FRMPD4: variants seen among roughly 807,000 people sequenced by gnomAD.
FRMPD4 encodes FERM and PDZ domain-containing protein 4.
FRMPD4 carries 22 observed loss-of-function variants against 94.1 expected under a neutral mutation model. The observed-to-expected ratio is 0.23, with a 90% confidence interval of 0.17 to 0.33. The LOEUF (loss-of-function observed/expected upper bound fraction) is 0.33. Ranked by LOEUF, FRMPD4 falls within the 10% of genes least tolerant of loss-of-function variation. FRMPD4 has a pLI of 1.00. For synonymous variants in FRMPD4, 631 were observed against 548.6 expected, an observed-to-expected ratio of 1.15 and a Z score of -2.10; for missense variants, 1,111 against 1,339.9, an observed-to-expected ratio of 0.83 and a Z score of 2.67.
At chrX:12,585,208 C>T (rs904069004) in intron 2 of FRMPD4, among the ~76,000 whole-genome samples, 5 of 91,907 alleles carry the variant, frequency 5.4e-5, no homozygotes, top group African/African-American at 1.2e-4. Flanking sequence ...GTCAGCACCG[C>T]GCCTAGCCAA....
At chrX:12,470,719 T>C (rs1421214835) in intron 1 of FRMPD4, among the ~76,000 whole-genome samples, 2 of 111,857 alleles carry the variant, frequency 1.8e-5, no homozygotes, top group Non-Finnish European at 3.8e-5. Context: ...GGACAATATA[T>C]TTATATTTTC....
chrX:12,463,455 A>C (rs2057412034), intron 1 of FRMPD4, among the ~76,000 whole-genome samples: 1 of 111,795 alleles, frequency 8.9e-6, no homozygotes, highest in Non-Finnish European at 1.9e-5. Context: ...TTCTAAAATA[A>C]ATGATTATGG....
At chrX:12,560,315 T>C (rs1321296148) in intron 2 of FRMPD4, among the ~76,000 whole-genome samples, 1 of 109,577 alleles carries the variant, frequency 9.1e-6, no homozygotes, top group Non-Finnish European at 1.9e-5. Flanking sequence ...CCAGGATTGA[T>C]GGAGGGGAAA....
At chrX:12,471,797 C>T (rs1239717458) in intron 1 of FRMPD4, among the ~76,000 whole-genome samples, 1 of 112,161 alleles carries the variant, frequency 8.9e-6, no homozygotes, top group African/African-American at 3.2e-5. Context: ...AACCTTGGCA[C>T]TCTTGACAAG....
intron 1 of FRMPD4, among the ~76,000 whole-genome samples, chrX:12,333,918 A>G (rs2055474234): frequency 8.9e-6 from 1 of 112,230 alleles, no homozygotes; most frequent in Admixed American, 9.5e-5. Flanking sequence ...TCAAGAATAT[A>G]GGTGCATCTT....
chrX:12,661,061 T>G (rs1419370361), intron 4 of FRMPD4, among the ~76,000 whole-genome samples: 1 of 111,859 alleles, frequency 8.9e-6, no homozygotes, highest in Non-Finnish European at 1.9e-5. Context: ...CATGTGGACT[T>G]TATAAGGCTT....
In FRMPD4 at chrX:12,371,149, C is replaced by A. The variant is rs148342076; in HGVS notation, c.42-127531C>A. ...GGTTTTCTTAGGAAATTATATCACC[C>A]CCTTCTCTATTTGAACTTTGTATAC... On this transcript the variant is annotated intron_variant, in intron 1 of 16. Coordinates refer to ENST00000675598, the MANE Select transcript of FRMPD4 (RefSeq NM_001368397.1). Among the ~76,000 whole-genome samples, 24 of 112,683 alleles carry A rather than the reference C, an allele frequency of 2.1e-4. No individual in the cohort carries two copies. In the South Asian group the frequency reaches 3.3e-3, roughly 15 times the overall value.
intron 1 of FRMPD4, among the ~76,000 whole-genome samples, chrX:12,378,074 C>T (rs1270244376): frequency 8.9e-6 from 1 of 112,175 alleles, no homozygotes; most frequent in Non-Finnish European, 1.9e-5. Context: ...TGCAAAGAGG[C>T]ACCGATGGGG....
chrX:11,894,414 T>C (rs1228659489), intron 3 of FRMPD4, among the ~76,000 whole-genome samples: 2 of 112,579 alleles, frequency 1.8e-5, no homozygotes, highest in African/African-American at 6.5e-5. Context: ...TCTTGATTGT[T>C]ATATTATACT....
intron 2 of FRMPD4, among the ~76,000 whole-genome samples, chrX:12,561,310 G>C (rs2058657960): frequency 8.9e-6 from 1 of 112,180 alleles, no homozygotes; most frequent in African/African-American, 3.2e-5. Context: ...TGTTCACCTT[G>C]GATGTGTATT....
chrX:12,418,930 A>G (rs1361730144), intron 1 of FRMPD4, among the ~76,000 whole-genome samples: 1 of 111,918 alleles, frequency 8.9e-6, no homozygotes, highest in African/African-American at 3.3e-5. Flanking sequence ...TCAGTTTCCC[A>G]GAAGGCCTCA....
In FRMPD4 at chrX:11,822,876, G is replaced by A. The variant is rs146732764; in HGVS notation, c.-161+161G>A. On this transcript the variant is annotated intron_variant, in intron 1 of 18. Transcript: ENST00000640291. ...TGATTGGTTGGGACTGTTTCTATGT[G>A]CCATTTACTAATTTATTTCTGGTTC... is the stretch of plus-strand genomic sequence containing the variant. Among the ~76,000 whole-genome samples, 258 of 112,097 alleles carry A rather than the reference G, an allele frequency of 2.3e-3. 1 individual carries two copies. Among genetic ancestry groups the A allele is most frequent in the African/African-American group, 7.9e-3 (244 of 30,873 alleles).
intron 3 of FRMPD4, among the ~76,000 whole-genome samples, chrX:11,932,159 A>G (rs1018435849): frequency 8.9e-6 from 1 of 112,193 alleles, no homozygotes; most frequent in African/African-American, 3.2e-5. Context: ...TGGGATACTT[A>G]TTACAAAGAA....
chrX:12,649,915 C>T (rs2059582132), intron 4 of FRMPD4, among the ~76,000 whole-genome samples: 1 of 112,590 alleles, frequency 8.9e-6, no homozygotes, highest in South Asian at 3.7e-4. Context: ...TATCTCTTCT[C>T]CCAATTTGTT....
intron 1 of FRMPD4, among the ~76,000 whole-genome samples, chrX:12,473,067 G>C (rs1293342401): frequency 9.0e-6 from 1 of 110,684 alleles, no homozygotes; most frequent in Non-Finnish European, 1.9e-5. Flanking sequence ...CAGAGAGAAA[G>C]GTCAGGTTAC....
chrX:12,430,600 C>G (rs745443650), intron 1 of FRMPD4, among the ~76,000 whole-genome samples: 1 of 111,875 alleles, frequency 8.9e-6, no homozygotes, highest in Non-Finnish European at 1.9e-5. Context: ...TTCATCTTAA[C>G]GCCTGGTTTT....
At chrX:12,545,483 T>C (rs1194707054) in intron 2 of FRMPD4, among the ~76,000 whole-genome samples, 1 of 112,786 alleles carries the variant, frequency 8.9e-6, no homozygotes, top group Non-Finnish European at 1.9e-5. Context: ...GTAAGATGCA[T>C]CAAAGTTTCC....
chrX:12,138,175 C>T (rs772971323), upstream of FRMPD4, among the ~76,000 whole-genome samples: 1 of 112,652 alleles, frequency 8.9e-6, no homozygotes, highest in East Asian at 2.8e-4. Flanking sequence ...CGCCTGGCAT[C>T]TCCCTTCCCT....
In FRMPD4 at chrX:12,387,602, G is replaced by A. The variant is rs760411508; in HGVS notation, c.42-111078G>A. ...ATTCATCGTGGATCAACATCTTGCC[G>A]GAAATCCCTCTTGTAGATGAGATTT... is the stretch of plus-strand genomic sequence containing the variant. On this transcript the variant is annotated intron_variant, in intron 1 of 16. Transcript: ENST00000675598. 3.2e-3 allele frequency among the ~76,000 whole-genome samples: 361 copies of A among 111,338 alleles called. 1 individual carries two copies. Among genetic ancestry groups the A allele is most frequent in the African/African-American group, 0.011 (335 of 30,670 alleles).
Sources: gnomAD v4.1 joint callset for allele counts (sites outside exome capture counted in the v4.1 genomes callset) on GRCh38, gnomAD v4.1.1 for gene constraint, MANE v1.5 for transcripts, NCBI Gene and HGNC (gene_info 2026-07-23, HGNC 2026-07-21) for gene names.